The following SDK2 variants were observed in gnomAD, a reference collection of about 807,000 sequenced individuals.
SDK2 encodes the protein sidekick cell adhesion molecule 2.
In SDK2, 105 loss-of-function variants were observed where a neutral mutation model predicts 253.9. The ratio of observed to expected loss-of-function variants is 0.41; its 90% CI spans 0.35 to 0.49. The LOEUF (loss-of-function observed/expected upper bound fraction) is 0.49. Ranked by LOEUF, SDK2 falls within the 20% of genes least tolerant of loss-of-function variation. The pLI is 0.06. For missense variants in SDK2, 2,608 were observed against 3,003.0 expected (o/e 0.87, Z 3.07); for synonymous variants, 1,249 against 1,234.9 (o/e 1.01, Z -0.24).
intron 1 of SDK2, among the ~76,000 whole-genome samples, chr17:73,638,926 C>T (rs553565866): frequency 6.6e-6 from 1 of 151,786 alleles, no homozygotes; most frequent in East Asian, 1.9e-4. Flanking sequence ...TCTCCTGCCT[C>T]AGTCTCCCAA....
chr17:73,474,941 C>T (rs956607566), intron 2 of SDK2, among the ~76,000 whole-genome samples: 25 of 152,280 alleles, frequency 1.6e-4, no homozygotes, highest in African/African-American at 4.6e-4. Context: ...CAAATCAAGA[C>T]GACAAGACCA....
intron 1 of SDK2, among the ~76,000 whole-genome samples, chr17:73,547,134 A>G (rs1460611217): frequency 6.6e-6 from 1 of 152,224 alleles, no homozygotes; most frequent in Non-Finnish European, 1.5e-5. Flanking sequence ...TTTTGGACAC[A>G]GCTGCAAGTG....
At chr17:73,427,178 G>C (rs1262970012) in intron 12 of SDK2, among the ~76,000 whole-genome samples, 1 of 152,202 alleles carries the variant, frequency 6.6e-6, no homozygotes, top group African/African-American at 2.4e-5. Context: ...CACTGCCTGT[G>C]AAGTATTTGT....
At position 73,447,820 on chromosome 17, in the gene SDK2, A is replaced by G; in HGVS notation, c.480-72T>C. 1 of 1,530,470 alleles carries G rather than the reference A, an allele frequency of 6.5e-7. No homozygotes were observed. Among genetic ancestry groups the G allele is most frequent in the Non-Finnish European group, 8.8e-7 (1 of 1,130,434 alleles). 94.8% of individuals were successfully genotyped at this position (1,530,470 alleles called of 1,614,324 possible). ...GAACCTCCAGGGAGTGGGAGTGGAAACCCTAAGGGGGAAGCCCGACCATAT... is the reference window on the plus strand; with the variant it reads ...GAACCTCCAGGGAGTGGGAGTGGAAGCCCTAAGGGGGAAGCCCGACCATAT... On this transcript the variant is annotated intron_variant, in intron 4 of 44. Transcript: ENST00000392650. The surrounding 1 kb of genome is among the most constrained non-coding windows in gnomAD (Gnocchi z 4.0).
intron 2 of SDK2, among the ~76,000 whole-genome samples, chr17:73,493,785 T>C (rs1000451387): frequency 6.6e-6 from 1 of 152,254 alleles, no homozygotes; most frequent in Non-Finnish European, 1.5e-5. Context: ...CTGTGGACTA[T>C]GGATGGACAT....
At chr17:73,566,565 G>A (rs187878100) in intron 1 of SDK2, among the ~76,000 whole-genome samples, 5 of 152,294 alleles carry the variant, frequency 3.3e-5, no homozygotes, top group East Asian at 1.9e-4. Flanking sequence ...CTAGTTAAAT[G>A]GTTGTAACCA....
chr17:73,487,465 C>A (rs1428974736), intron 2 of SDK2, among the ~76,000 whole-genome samples: 3 of 152,182 alleles, frequency 2.0e-5, no homozygotes, highest in Non-Finnish European at 4.4e-5. Context: ...GCAGGTTCAG[C>A]CAGCAGGCAA....
intron 1 of SDK2, among the ~76,000 whole-genome samples, chr17:73,528,950 G>A (rs540423252): frequency 2.4e-4 from 36 of 152,248 alleles, no homozygotes; most frequent in South Asian, 1.0e-3. Flanking sequence ...CATCCTTGAG[G>A]TCCCTGAGCT....
intron 3 of SDK2, among the ~76,000 whole-genome samples, chr17:73,464,984 T>A (rs996156256): frequency 5.3e-5 from 8 of 152,220 alleles, no homozygotes; most frequent in Non-Finnish European, 1.2e-4. Context: ...CCTGGAACAG[T>A]GCTTGGCATA....
chr17:73,583,003 C>T (rs2045556778), intron 1 of SDK2, among the ~76,000 whole-genome samples: 1 of 152,180 alleles, frequency 6.6e-6, no homozygotes, highest in East Asian at 1.9e-4. Context: ...CACAGCCCGC[C>T]TCCTCTCCCA....
intron 2 of SDK2, 36 bp from the exon 3 acceptor site, chr17:73,472,254 G>A (rs1452515840): frequency 6.8e-7 from 1 of 1,466,288 alleles, no homozygotes; most frequent in African/African-American, 1.4e-5. Flanking sequence ...GAGCAAGTCA[G>A]GCAGCTGCAG....
At chr17:73,394,727 C>G (rs543409533) in intron 25 of SDK2, among the ~76,000 whole-genome samples, 123 of 152,314 alleles carry the variant, frequency 8.1e-4, no homozygotes, top group Non-Finnish European at 1.4e-3. Context: ...GAATGCTGGG[C>G]TCACATTCTG....
At chr17:73,488,173 G>A (rs1395994774) in intron 2 of SDK2, among the ~76,000 whole-genome samples, 3 of 152,070 alleles carry the variant, frequency 2.0e-5, no homozygotes, top group Admixed American at 6.5e-5. Flanking sequence ...CTGCCACCAC[G>A]CCTGGCTAAT....
chr17:73,482,773 G>C (rs2084647080), intron 2 of SDK2, among the ~76,000 whole-genome samples: 1 of 152,374 alleles, frequency 6.6e-6, no homozygotes, highest in African/African-American at 2.4e-5. Flanking sequence ...ATGAGGGCAG[G>C]ACAGGGCTGG....
At chr17:73,452,529 G>A (rs2063496873) in intron 4 of SDK2, among the ~76,000 whole-genome samples, 2 of 152,246 alleles carry the variant, frequency 1.3e-5, no homozygotes, top group South Asian at 4.1e-4. Context: ...GGTGCCACAG[G>A]GTTGTGGGAA....
At chr17:73,456,859 A>T (rs1238529157) in intron 3 of SDK2, among the ~76,000 whole-genome samples, 1 of 152,150 alleles carries the variant, frequency 6.6e-6, no homozygotes, top group Non-Finnish European at 1.5e-5. Flanking sequence ...AGGCTTGGAG[A>T]TAGGGTTTGG....
intron 1 of SDK2, among the ~76,000 whole-genome samples, chr17:73,531,216 G>C (rs1403592135): frequency 6.6e-6 from 1 of 152,168 alleles, no homozygotes; most frequent in Non-Finnish European, 1.5e-5. Context: ...GCCTGAATAA[G>C]TCAACTGTAT....
At chr17:73,348,115 C>G (rs1459482295) in intron 44 of SDK2, among the ~76,000 whole-genome samples, 1 of 152,228 alleles carries the variant, frequency 6.6e-6, no homozygotes, top group Non-Finnish European at 1.5e-5. Flanking sequence ...CTTAATGTCT[C>G]CCTGGTCTAC....
chr17:73,390,490 A>AG lies in SDK2; in HGVS notation c.3998-10dup, dbSNP rs750844489. 3 of 1,605,778 alleles carry AG rather than the reference A, an allele frequency of 1.9e-6. No individual in the cohort carries two copies. The highest frequency in any genetic ancestry group is 2.6e-6 in the Non-Finnish European group (3 of 1,174,752). On this transcript the variant is annotated splice_polypyrimidine_tract_variant and intron_variant, in intron 28 of 44. Transcript: ENST00000392650. ...GTGTGTGATCTGGTAAGCTGTGGGA[A>AG]GGAAGCACATGGCTATTATGGCAAG...
Sources: gnomAD v4.1 joint callset for allele counts (sites outside exome capture counted in the v4.1 genomes callset) on GRCh38, gnomAD v4.1.1 for gene constraint, Gnocchi (gnomAD v3.1) non-coding constraint, MANE v1.5 for transcripts, NCBI Gene and HGNC (gene_info 2026-07-23, HGNC 2026-07-21) for gene names.